The following SLC30A9 variants were observed in gnomAD, a reference collection of about 807,000 sequenced individuals.
The protein encoded by SLC30A9 is solute carrier family 30 member 9, also known as proton-coupled zinc antiporter SLC30A9, mitochondrial.
Under a neutral mutation model 87.5 loss-of-function variants are expected in SLC30A9, and 58 were observed. The observed-to-expected ratio is 0.66, with a 90% CI of 0.54 to 0.82. The LOEUF is 0.82. SLC30A9 is among the 40% of genes least tolerant of loss of function. The probability of loss-of-function intolerance (pLI) is 0.00; values close to 1 mark genes in which losing one functional copy is unlikely to be tolerated. For missense variants in SLC30A9, 557 were observed against 679.1 expected (o/e 0.82, Z 2.00); for synonymous variants, 234 against 233.0 (o/e 1.00, Z -0.04).
chr4:42,062,869 A>T, intron 10 of SLC30A9, 117 bp from the exon 11 acceptor site: 1 of 866,044 alleles, frequency 1.2e-6, no homozygotes, highest in East Asian at 2.7e-5. Flanking sequence ...ATCTTACTTA[A>T]ATATAAAATT....
At chr4:42,062,322 T>C (rs1161756276) in intron 10 of SLC30A9, among the ~76,000 whole-genome samples, 2 of 152,216 alleles carry the variant, frequency 1.3e-5, no homozygotes, top group Non-Finnish European at 2.9e-5. Context: ...CTCTAGTATG[T>C]TATTAATATA....
chr4:42,011,302 C>T (rs952711948), intron 2 of SLC30A9, among the ~76,000 whole-genome samples: 1 of 152,168 alleles, frequency 6.6e-6, no homozygotes, highest in African/African-American at 2.4e-5. Flanking sequence ...ATCATGAGAA[C>T]AGCATGGGGG....
intron 10 of SLC30A9, among the ~76,000 whole-genome samples, chr4:42,062,052 G>T (rs1019538032): frequency 6.6e-6 from 1 of 151,870 alleles, no homozygotes; most frequent in Non-Finnish European, 1.5e-5. Flanking sequence ...AAATTAGCTG[G>T]GTGTGGTGGT....
intron 6 of SLC30A9, among the ~76,000 whole-genome samples, chr4:42,024,426 A>G (rs144296929): frequency 6.6e-6 from 1 of 152,220 alleles, no homozygotes; most frequent in Non-Finnish European, 1.5e-5. Context: ...AATCTACCTC[A>G]TTCTTTTTAA....
At chr4:42,029,176 TC>T (rs1180952191) in intron 6 of SLC30A9, 13 of 370,954 alleles carry the variant, frequency 3.5e-5, no homozygotes, top group Non-Finnish European at 7.1e-5. Flanking sequence ...CACCCACCCT[TC>T]CGACTGCGGC....
chr4:42,018,407 G>A (rs978017723), intron 3 of SLC30A9: 1 of 1,305,694 alleles, frequency 7.7e-7, no homozygotes, highest in Non-Finnish European at 1.0e-6. Context: ...AGGAATAATG[G>A]CAAATAAGAA....
chr4:42,088,073 C>A lies in SLC30A9; in HGVS notation c.*1947C>A, dbSNP rs1325144024. Reference sequence around the variant, plus strand: ...AAATCTGATTTTGGTTGAGGTCATACCATTCTTAAATAATAATTGAAGGTT... The same window carrying A: ...AAATCTGATTTTGGTTGAGGTCATAACATTCTTAAATAATAATTGAAGGTT... On this transcript the variant is annotated 3_prime_UTR_variant, in exon 18 of 18. Transcript: ENST00000264451. 6.6e-6 allele frequency: 1 copy of A among 151,662 alleles called. No individual in the cohort carries two copies. The highest frequency in any genetic ancestry group is 1.5e-5 in the Non-Finnish European group (1 of 67,988). 9.4% of individuals were successfully genotyped at this position (151,662 alleles called of 1,614,324 possible). A position where few individuals can be genotyped will look rare whatever the true frequency, so the allele number is the denominator to read the frequency against.
At chr4:42,006,155 A>C (rs949768641) in intron 2 of SLC30A9, among the ~76,000 whole-genome samples, 1 of 152,220 alleles carries the variant, frequency 6.6e-6, no homozygotes, top group Non-Finnish European at 1.5e-5. Flanking sequence ...GAGGATGTGC[A>C]TAGGTTATAT....
Position 42,086,564 on chromosome 4 carries a change from A to C in SLC30A9, c.*438A>C, listed in dbSNP as rs1718930927. On this transcript the variant is annotated 3_prime_UTR_variant, in exon 18 of 18. Coordinates refer to ENST00000264451, the MANE Select transcript of SLC30A9 (RefSeq NM_006345.4). ...CTGCCAATCTTCAATATTCTGGCTA[A>C]ATCTTGGTATGTGGTTTTTAAACAG... is the stretch of plus-strand genomic sequence containing the variant. 2 of 153,584 alleles carry C rather than the reference A, an allele frequency of 1.3e-5. No individual in the cohort carries two copies. The highest frequency in any genetic ancestry group is 4.1e-4 in the South Asian group (2 of 4,834). The allele number at this position is 153,584 out of a possible 1,614,324, so 9.5% of individuals were successfully genotyped here.
intron 17 of SLC30A9, among the ~76,000 whole-genome samples, chr4:42,084,967 TGTAATAGTAGACA>T (rs1718872354): frequency 6.6e-6 from 1 of 152,246 alleles, no homozygotes; most frequent in Non-Finnish European, 1.5e-5. Flanking sequence ...AGAGTAGGCA[TGTAATAGTAGACA>T]GTATTGGTTG....
chr4:42,031,651 T>A (rs1716442673), intron 6 of SLC30A9, among the ~76,000 whole-genome samples: 1 of 152,244 alleles, frequency 6.6e-6, no homozygotes, highest in South Asian at 2.1e-4. Flanking sequence ...ATTTTGATGA[T>A]AAGGAATACT....
intron 2 of SLC30A9, among the ~76,000 whole-genome samples, chr4:42,005,374 G>A (rs1412541338): frequency 6.6e-6 from 1 of 152,112 alleles, no homozygotes; most frequent in Non-Finnish European, 1.5e-5. Flanking sequence ...CTTGTGTTAG[G>A]GTTCACTTGT....
At chr4:42,075,466 C>CA (rs201224389) in intron 15 of SLC30A9, among the ~76,000 whole-genome samples, 191 bp from the exon 16 acceptor site, 6,890 of 148,274 alleles carry the variant, frequency 0.046, 194 homozygotes, top group African/African-American at 0.071. Context: ...GATATCATGC[C>CA]AAAAAAAAAG....
At chr4:42,029,712 T>TA (rs1319318910) in intron 6 of SLC30A9, 23 of 742,512 alleles carry the variant, frequency 3.1e-5, no homozygotes, top group African/African-American at 2.6e-4. Context: ...TGACAAAACT[T>TA]ACAGCTACGA....
chr4:42,006,544 G>A (rs1349091771), intron 2 of SLC30A9, among the ~76,000 whole-genome samples: 1 of 152,040 alleles, frequency 6.6e-6, no homozygotes, highest in Non-Finnish European at 1.5e-5. Flanking sequence ...AAAATTAGCT[G>A]GGCATAGTGG....
chr4:42,021,079 GATCT>G (rs1262469071), intron 4 of SLC30A9, among the ~76,000 whole-genome samples: 2 of 152,022 alleles, frequency 1.3e-5, no homozygotes, highest in Admixed American at 6.6e-5. Context: ...GAAATCAGAT[GATCT>G]ATCTTTTTTT....
chr4:41,991,209 T>G (rs1483685702), intron 1 of SLC30A9, among the ~76,000 whole-genome samples: 2 of 152,262 alleles, frequency 1.3e-5, no homozygotes, highest in Non-Finnish European at 2.9e-5. Context: ...CTTATTTTCT[T>G]AAATTTTCTA....
intron 3 of SLC30A9, among the ~76,000 whole-genome samples, chr4:42,019,241 C>T (rs879376921): frequency 2.6e-5 from 4 of 152,000 alleles, no homozygotes; most frequent in Non-Finnish European, 2.9e-5. Flanking sequence ...GATGACAATT[C>T]GAAATAGAAC....
At chr4:41,992,645 A>G (rs573264488) in intron 1 of SLC30A9, among the ~76,000 whole-genome samples, 1 of 152,214 alleles carries the variant, frequency 6.6e-6, no homozygotes, top group Non-Finnish European at 1.5e-5. Context: ...GGTCAAAATG[A>G]CTTTGCAAAG....
Sources: allele counts gnomAD v4.1 joint callset (sites outside exome capture counted in the v4.1 genomes callset), GRCh38; gene constraint gnomAD v4.1.1; transcripts MANE v1.5; gene names NCBI Gene and HGNC (gene_info 2026-07-23, HGNC 2026-07-21).